The following LGALS9C variants were observed in gnomAD, a reference collection of about 807,000 sequenced individuals.
LGALS9C encodes the protein galectin-9C.
In LGALS9C, 7 loss-of-function variants were observed where a neutral mutation model predicts 41.3. The observed-to-expected ratio is 0.17, with a 90% CI of 0.10 to 0.32. The LOEUF (loss-of-function observed/expected upper bound fraction) is 0.32. Among genes scored for constraint, LGALS9C ranks in the 10% least tolerant of loss-of-function variants. The pLI, the probability that LGALS9C is intolerant of heterozygous loss-of-function variation, is 1.00. For synonymous variants in LGALS9C, 44 were observed against 171.0 expected (o/e 0.26, Z 5.80); for missense variants, 102 against 455.2 (o/e 0.22, Z 7.06).
chr17:18,487,841 C>G, intron 4 of LGALS9C, 84 bp downstream of exon 4: 1 of 1,554,060 alleles, frequency 6.4e-7, no homozygotes, highest in Non-Finnish European at 8.8e-7. Context: ...TGGGGGGACC[C>G]AAGCCAATCT....
In LGALS9C at chr17:18,494,560, C is replaced by G. The variant is rs1383113579; in HGVS notation, c.*193C>G. The G allele has an allele frequency of 2.4e-5, 24 of 1,014,402 alleles. No individual in the cohort carries two copies. Among genetic ancestry groups the G allele is most frequent in the Admixed American group, 1.7e-4 (6 of 35,678 alleles). The allele number at this position is 1,014,402 out of a possible 1,614,324, so 62.8% of individuals were successfully genotyped here. A position where few individuals can be genotyped will look rare whatever the true frequency, so the allele number is the denominator to read the frequency against. Reference sequence around the variant, plus strand: ...CGAGAAGGCAGCTGACTGGGATTGCCTTCCTCAGCCGCAGCAGCACCTGGG... The same window carrying G: ...CGAGAAGGCAGCTGACTGGGATTGCGTTCCTCAGCCGCAGCAGCACCTGGG... On this transcript the variant is annotated 3_prime_UTR_variant, in exon 11 of 11. Transcript: ENST00000328114.
rs549835149 is a variant in LGALS9C at position 18,488,790 on chromosome 17, C to T, written c.445-151C>T. The stretch of plus-strand genomic sequence containing the variant: ...CTGCGCTGCTCACCGAAGCCTGGCC[C>T]TTTCCGCTCCCGCCTCCGTGTGGCC... On this transcript the variant is annotated intron_variant, in intron 4 of 10. Coordinates refer to ENST00000328114, the MANE Select transcript of LGALS9C (RefSeq NM_001040078.3). 7.4e-6 allele frequency: 9 copies of T among 1,217,448 alleles called. No homozygotes were observed. In the East Asian group the frequency reaches 7.6e-5, roughly 10 times the overall value. 75.4% of individuals were successfully genotyped at this position (1,217,448 alleles called of 1,614,324 possible).
chr17:18,483,155 C>CATA lies in LGALS9C; in HGVS notation c.40-719_40-717dup, dbSNP rs1989455265. On this transcript the variant is annotated intron_variant, in intron 1 of 10. Coordinates refer to ENST00000328114, the MANE Select transcript of LGALS9C (RefSeq NM_001040078.3). ...AAACGATGCATGCCTCACCATGGCC[C>CATA]ATAGCTCCTTTAAAGAGGCGCGGAA... Among the ~76,000 whole-genome samples the CATA allele has an allele frequency of 1.6e-5, 2 of 122,814 alleles. 1 individual carries two copies. Among genetic ancestry groups the CATA allele is most frequent in the Non-Finnish European group, 3.9e-5 (2 of 50,842 alleles). 80.6% of individuals were successfully genotyped at this position (122,814 alleles called of 152,430 possible). A position where few individuals can be genotyped will look rare whatever the true frequency, so the allele number is the denominator to read the frequency against.
intron 10 of LGALS9C, among the ~76,000 whole-genome samples, chr17:18,493,344 G>A (rs1989890239): frequency 8.4e-6 from 1 of 118,368 alleles, no homozygotes; most frequent in Admixed American, 8.1e-5. Flanking sequence ...ACAGTGCCAC[G>A]CAGAAAGCAA....
intron 2 of LGALS9C, among the ~76,000 whole-genome samples, chr17:18,484,799 C>T (rs199759456): frequency 0.12 from 17,181 of 139,356 alleles, 41 homozygotes; most frequent in African/African-American, 0.27. Context: ...TTGATGACCT[C>T]CTCCGCCATT....
chr17:18,478,532 C>CG (rs1422098740), intron 1 of LGALS9C, among the ~76,000 whole-genome samples: 1 of 129,504 alleles, frequency 7.7e-6, no homozygotes, highest in African/African-American at 2.6e-5. Flanking sequence ...GAAGGTCACG[C>CG]GGTTCATGTC....
chr17:18,485,008 G>T lies in LGALS9C; in HGVS notation c.132-926G>T, dbSNP rs973478226. ...GAGGGCTTCCCACTCCCATCCTGTT[G>T]CACGGAGACAGATCCTACCTCAGAG... On this transcript the variant is annotated intron_variant, in intron 2 of 10. Coordinates refer to ENST00000328114, the MANE Select transcript of LGALS9C (RefSeq NM_001040078.3). Among the ~76,000 whole-genome samples, 12 of 126,992 alleles carry T rather than the reference G, an allele frequency of 9.4e-5. 1 individual carries two copies. The highest frequency in any genetic ancestry group is 3.9e-5 in the Non-Finnish European group (2 of 51,480). 83.3% of individuals were successfully genotyped at this position (126,992 alleles called of 152,430 possible). A position where few individuals can be genotyped will look rare whatever the true frequency, so the allele number is the denominator to read the frequency against.
At chr17:18,492,609 C>T (rs1598153129) in intron 9 of LGALS9C, 64 bp downstream of exon 9, 1 of 1,573,460 alleles carries the variant, frequency 6.4e-7, no homozygotes, top group Admixed American at 1.7e-5. Flanking sequence ...CCAGCCATTC[C>T]CCTGGCTTTT....
rs186518415 is a variant in LGALS9C, at chr17:18,485,328, C to T, written c.132-606C>T. On this transcript the variant is annotated intron_variant, in intron 2 of 10. Transcript: ENST00000328114. ...CCCCCAGAGCAGCTGGGACTGTAGA[C>T]ATGCATCATGATGTCTAGCTAATTA... is the stretch of plus-strand genomic sequence containing the variant. Among the ~76,000 whole-genome samples the T allele has an allele frequency of 2.4e-3, 283 of 119,834 alleles. 43 individuals are homozygous for T. The highest frequency in any genetic ancestry group is 7.5e-3 in the African/African-American group (274 of 36,302). 78.6% of individuals were successfully genotyped at this position (119,834 alleles called of 152,430 possible). A position where few individuals can be genotyped will look rare whatever the true frequency, so the allele number is the denominator to read the frequency against.
chr17:18,488,921 GGT>G lies in LGALS9C; in HGVS notation c.445-18_445-17del, dbSNP rs1280165829. 6.7e-7 allele frequency: 1 copy of G among 1,502,674 alleles called. No individual in the cohort carries two copies. Among genetic ancestry groups the G allele is most frequent in the African/African-American group, 1.4e-5 (1 of 72,298 alleles). The allele number at this position is 1,502,674 out of a possible 1,614,324, so 93.1% of individuals were successfully genotyped here. ...CTATTAATGCTTCTCCTCACCGGCC[GGT>G]GCCTTTTGTTTTAACAGAATCCCCG... On this transcript the variant is annotated intron_variant, in intron 4 of 10. Coordinates refer to ENST00000328114, the MANE Select transcript of LGALS9C (RefSeq NM_001040078.3).
chr17:18,480,225 A>AC (rs1567838549), intron 1 of LGALS9C, among the ~76,000 whole-genome samples: 3 of 125,368 alleles, frequency 2.4e-5, no homozygotes, highest in Non-Finnish European at 5.8e-5. Context: ...AAAAAAAAAA[A>AC]ACACAACAAA....
At chr17:18,493,814 G>A (rs2151674740) in intron 10 of LGALS9C, among the ~76,000 whole-genome samples, 1 of 145,070 alleles carries the variant, frequency 6.9e-6, no homozygotes, top group East Asian at 1.9e-4. Context: ...CCTTACACAT[G>A]GCATGTGTGT....
At position 18,493,357 on chromosome 17, in the gene LGALS9C, CAG is replaced by C. The variant is rs1247729562; in HGVS notation, c.924+501_924+502del. Among the ~76,000 whole-genome samples the C allele has an allele frequency of 1.7e-5, 2 of 118,488 alleles. 1 individual carries two copies. Among genetic ancestry groups the C allele is most frequent in the Non-Finnish European group, 3.9e-5 (2 of 50,738 alleles). 77.7% of individuals were successfully genotyped at this position (118,488 alleles called of 152,430 possible). On this transcript the variant is annotated intron_variant, in intron 10 of 10. Coordinates refer to ENST00000328114, the MANE Select transcript of LGALS9C (RefSeq NM_001040078.3). ...CAACAGTGCCACGCAGAAAGCAAAA[CAG>C]AGCGATGAGATAGAGCGAGCCTGGG...
At position 18,480,320 on chromosome 17, in the gene LGALS9C, A is replaced by G. The variant is rs934410616; in HGVS notation, c.39+3427A>G. Among the ~76,000 whole-genome samples, 8 of 124,610 alleles carry G rather than the reference A, an allele frequency of 6.4e-5. 1 individual carries two copies. The highest frequency in any genetic ancestry group is 1.1e-4 in the African/African-American group (4 of 37,644). 81.7% of individuals were successfully genotyped at this position (124,610 alleles called of 152,430 possible). On this transcript the variant is annotated intron_variant, in intron 1 of 10. Coordinates refer to ENST00000328114, the MANE Select transcript of LGALS9C (RefSeq NM_001040078.3). ...GACTTTGATCCTCCTGCTCCCTTTT[A>G]TGGGACCTTTGTGATTACATTGGGA...
At chr17:18,477,854 T>G in intron 1 of LGALS9C, among the ~76,000 whole-genome samples, 5 of 117,832 alleles carry the variant, frequency 4.2e-5, no homozygotes, top group East Asian at 2.1e-4. Context: ...CCTTCCTGAG[T>G]GGGGAGGCAG....
At chr17:18,484,775 C>T (rs375370687) in intron 2 of LGALS9C, among the ~76,000 whole-genome samples, 1 of 150,518 alleles carries the variant, frequency 6.6e-6, no homozygotes, top group Admixed American at 6.6e-5. Context: ...ACCTCAGCTC[C>T]GCCACCTAGA....
At chr17:18,477,552 A>G (rs1989252362) in intron 1 of LGALS9C, among the ~76,000 whole-genome samples, 1 of 114,214 alleles carries the variant, frequency 8.8e-6, no homozygotes, top group African/African-American at 2.6e-5. Flanking sequence ...GCATCTGTAG[A>G]CGGACAGTCT....
chr17:18,494,190 G>T, intron 10 of LGALS9C, 31 bp from the exon 11 acceptor site: 1 of 1,118,070 alleles, frequency 8.9e-7, no homozygotes. Flanking sequence ...GACTTCCCAA[G>T]TGTAGTGCAA....
rs1455379681 is a variant in LGALS9C, at chr17:18,494,570, C to T, written c.*203C>T. On this transcript the variant is annotated 3_prime_UTR_variant, in exon 11 of 11. Coordinates refer to ENST00000328114, the MANE Select transcript of LGALS9C (RefSeq NM_001040078.3). Reference sequence around the variant, plus strand: ...GCTGACTGGGATTGCCTTCCTCAGCCGCAGCAGCACCTGGGGCGCCAGCTG... The same window carrying T: ...GCTGACTGGGATTGCCTTCCTCAGCTGCAGCAGCACCTGGGGCGCCAGCTG... 15 of 897,292 alleles carry T rather than the reference C, an allele frequency of 1.7e-5. 1 individual carries two copies. Among genetic ancestry groups the T allele is most frequent in the South Asian group, 9.0e-5 (5 of 55,420 alleles). The allele number at this position is 897,292 out of a possible 1,614,324, so 55.6% of individuals were successfully genotyped here. A position where few individuals can be genotyped will look rare whatever the true frequency, so the allele number is the denominator to read the frequency against.
Sources: gnomAD v4.1 joint callset for allele counts (sites outside exome capture counted in the v4.1 genomes callset) on GRCh38, gnomAD v4.1.1 for gene constraint, MANE v1.5 for transcripts, NCBI Gene and HGNC (gene_info 2026-07-23, HGNC 2026-07-21) for gene names.